Variants in KIF20B observed in about 807,000 individuals in gnomAD.
KIF20B encodes the protein kinesin-like protein KIF20B.
Under a neutral mutation model 232.5 loss-of-function variants are expected in KIF20B, and 188 were observed. The observed-to-expected ratio is 0.81, with a 90% CI of 0.72 to 0.91. The LOEUF is 0.91. Ranked by LOEUF, KIF20B falls within the 40% of genes least tolerant of loss-of-function variation. KIF20B has a pLI of 0.00. For missense variants in KIF20B, 2,154 were observed against 2,055.9 expected (o/e 1.05, Z -0.92); for synonymous variants, 712 against 683.0 (o/e 1.04, Z -0.66).
intron 13 of KIF20B, among the ~76,000 whole-genome samples, chr10:89,721,679 GAAAC>G (rs979949620): frequency 4.0e-5 from 6 of 151,042 alleles, no homozygotes; most frequent in Admixed American, 2.6e-4. Flanking sequence ...TAAAAACAAA[GAAAC>G]AAACCAAAAA....
chr10:89,732,974 G>A lies in KIF20B; in HGVS notation c.2463G>A (p.Lys821=), dbSNP rs778145459. Residue 821 remains lysine, a synonymous_variant, in exon 19 of 33, where the codon AAG becomes AAA. Transcript: ENST00000371728. ...LICNETVEVP[K]DSKSKICSER... ...GTAATGAAACAGTTGAAGTACCTAA[G>A]GACAGCAAATCTAAAATCTGTTCAG... is the stretch of plus-strand genomic sequence containing the variant. 5 of 1,612,726 alleles carry A rather than the reference G, an allele frequency of 3.1e-6. No homozygotes were observed. In the South Asian group the frequency reaches 5.5e-5, roughly 18 times the overall value.
chr10:89,744,795 T>TCTTAA (rs147853643), intron 22 of KIF20B, among the ~76,000 whole-genome samples: 41,081 of 151,812 alleles, frequency 0.27, 7,199 homozygotes, highest in African/African-American at 0.47. Flanking sequence ...TGATTTTAAT[T>TCTTAA]CTTAAGGTAA....
chr10:89,731,088 T>C (rs1270520563), intron 18 of KIF20B, among the ~76,000 whole-genome samples: 1 of 152,216 alleles, frequency 6.6e-6, no homozygotes, highest in Non-Finnish European at 1.5e-5. Context: ...TCGAAACTTT[T>C]ATTTGGTTAG....
chr10:89,732,191 A>G (rs1198437644), intron 18 of KIF20B, among the ~76,000 whole-genome samples: 4 of 150,972 alleles, frequency 2.6e-5, no homozygotes, highest in African/African-American at 4.9e-5. Context: ...CAGTGATGTG[A>G]CCATGGCTCA....
In KIF20B at chr10:89,754,496, C is replaced by T. The variant is rs367817265; in HGVS notation, c.4348-22C>T. On this transcript the variant is annotated intron_variant, in intron 25 of 32. Coordinates refer to ENST00000371728, the MANE Select transcript of KIF20B (RefSeq NM_001284259.2). Reference sequence around the variant, plus strand: ...CTACTTTGTAGGCATGCGATAATAACTTATACCATTTATATATACAGGAGT... The same window carrying T: ...CTACTTTGTAGGCATGCGATAATAATTTATACCATTTATATATACAGGAGT... 4 of 1,490,122 alleles carry T rather than the reference C, an allele frequency of 2.7e-6. No homozygotes were observed. In the African/African-American group the frequency reaches 4.2e-5, roughly 16 times the overall value. The allele number at this position is 1,490,122 out of a possible 1,614,324, so 92.3% of individuals were successfully genotyped here.
At chr10:89,711,415 G>C (rs1449092924) in intron 6 of KIF20B, among the ~76,000 whole-genome samples, 3 of 152,048 alleles carry the variant, frequency 2.0e-5, no homozygotes, top group African/African-American at 7.2e-5. Flanking sequence ...TTTATGTAAT[G>C]ATTTTTTAAA....
At chr10:89,745,532 C>CAAATAAAT (rs530759062) in intron 22 of KIF20B, among the ~76,000 whole-genome samples, 1 of 151,876 alleles carries the variant, frequency 6.6e-6, no homozygotes, top group African/African-American at 2.4e-5. Context: ...CAAAAACAAA[C>CAAATAAAT]AAATAAATAA....
At chr10:89,772,014 C>A (rs904488048) in intron 31 of KIF20B, among the ~76,000 whole-genome samples, 2 of 151,502 alleles carry the variant, frequency 1.3e-5, no homozygotes, top group Non-Finnish European at 2.9e-5. Context: ...AAGTAGTCTT[C>A]TCAATTTAGT....
intron 23 of KIF20B, 105 bp from the exon 24 acceptor site, chr10:89,751,241 A>G: frequency 1.1e-6 from 1 of 907,504 alleles, no homozygotes; most frequent in East Asian, 2.8e-5. Flanking sequence ...TGGAACTAAT[A>G]TTCTATTACA....
intron 21 of KIF20B, among the ~76,000 whole-genome samples, chr10:89,741,469 A>G (rs1329604848): frequency 1.3e-5 from 2 of 152,240 alleles, no homozygotes; most frequent in African/African-American, 4.8e-5. Context: ...GGGTATTAAA[A>G]GTATTTTCTA....
intron 12 of KIF20B, 43 bp downstream of exon 12, chr10:89,718,915 A>T: frequency 8.2e-7 from 1 of 1,222,204 alleles, no homozygotes; most frequent in Admixed American, 2.6e-5. Flanking sequence ...TAGAATATTA[A>T]CAGTTTTTCT....
intron 29 of KIF20B, among the ~76,000 whole-genome samples, 187 bp from the exon 30 acceptor site, chr10:89,768,103 T>C (rs754713351): frequency 1.2e-4 from 19 of 152,032 alleles, no homozygotes; most frequent in Non-Finnish European, 2.2e-4. Context: ...TAATATCCCC[T>C]TCTCCCTGGC....
chr10:89,732,481 G>A (rs558314938), intron 18 of KIF20B, among the ~76,000 whole-genome samples: 4 of 141,220 alleles, frequency 2.8e-5, no homozygotes, highest in Admixed American at 6.9e-5. Context: ...TCTAAATGAC[G>A]TATCTAGAAG....
intron 29 of KIF20B, among the ~76,000 whole-genome samples, chr10:89,765,967 A>C (rs1350497145): frequency 6.6e-6 from 1 of 151,938 alleles, no homozygotes; most frequent in East Asian, 1.9e-4. Context: ...GCTGAATCTG[A>C]CAATTATGTG....
intron 20 of KIF20B, 35 bp from the exon 21 acceptor site, chr10:89,738,923 T>C: frequency 6.3e-7 from 1 of 1,593,910 alleles, no homozygotes; most frequent in South Asian, 1.1e-5. Context: ...CAGTTAATGA[T>C]GCATTACCAT....
In KIF20B at chr10:89,751,376, A is replaced by T; in HGVS notation, c.4127A>T (p.Asp1376Val). 6.2e-7 allele frequency: 1 copy of T among 1,606,772 alleles called. No homozygotes were observed. Among genetic ancestry groups the T allele is most frequent in the Non-Finnish European group, 8.5e-7 (1 of 1,176,648 alleles). ...DLNVKEKIIE[D>V]MRMTLEEQEQ... ...AATGTTAAAGAGAAAATAATTGAAG[A>T]CATGCGAATGACACTAGAAGAACAG... The change falls in exon 24 of 33, where the codon GAC (aspartate) becomes GTC (valine). Residue 1376 changes from aspartate to valine, a missense_variant. Physicochemically the swap from Asp to Val is radical, Grantham distance 152. Coordinates refer to ENST00000371728, the MANE Select transcript of KIF20B (RefSeq NM_001284259.2).
chr10:89,712,606 T>G (rs1230419415), intron 6 of KIF20B, among the ~76,000 whole-genome samples: 1 of 151,926 alleles, frequency 6.6e-6, no homozygotes, highest in Non-Finnish European at 1.5e-5. Context: ...AAGTCATCTG[T>G]TTTTTTTCCA....
chr10:89,727,995 G>C (rs1843226931), intron 17 of KIF20B, 99 bp downstream of exon 17: 1 of 1,085,610 alleles, frequency 9.2e-7, no homozygotes, highest in Non-Finnish European at 1.3e-6. Context: ...TAATTAAACA[G>C]TAATATAGTC....
chr10:89,730,436 T>G (rs984799108), intron 18 of KIF20B, among the ~76,000 whole-genome samples: 3 of 152,144 alleles, frequency 2.0e-5, no homozygotes. Flanking sequence ...ATAGTTATAA[T>G]ACAATGTGCA....
Sources: gnomAD v4.1 joint callset for allele counts (sites outside exome capture counted in the v4.1 genomes callset) on GRCh38, gnomAD v4.1.1 for gene constraint, MANE v1.5 for transcripts, NCBI Gene and HGNC (gene_info 2026-07-23, HGNC 2026-07-21) for gene names.